The following ITFG2 variants were observed in gnomAD, a reference collection of about 807,000 sequenced individuals.
ITFG2 encodes integrin alpha FG-GAP repeat containing 2.
ITFG2 carries 36 observed loss-of-function variants against 54.4 expected under a neutral mutation model. The ratio of observed to expected loss-of-function variants is 0.66; its 90% confidence interval spans 0.51 to 0.87. The LOEUF (loss-of-function observed/expected upper bound fraction) is 0.87, where lower values mean the gene tolerates loss of function less well. Ranked by LOEUF, ITFG2 falls within the 40% of genes least tolerant of loss-of-function variation. The probability of loss-of-function intolerance (pLI) is 0.00; values close to 1 mark genes in which losing one functional copy is unlikely to be tolerated. For synonymous variants in ITFG2, 211 were observed against 225.4 expected (o/e 0.94, Z 0.57); for missense variants, 524 against 576.7 (o/e 0.91, Z 0.94).
chr12:2,828,449 C>T (rs375412286), downstream of ITFG2: 44 of 1,535,928 alleles, frequency 2.9e-5, no homozygotes, highest in African/African-American at 4.7e-4. Context: ...TCAGTGAGTC[C>T]CTAGGAGAAT....
chr12:2,848,833 G>A (rs2098060415), intron 2 of ITFG2, among the ~76,000 whole-genome samples: 1 of 151,116 alleles, frequency 6.6e-6, no homozygotes, highest in Admixed American at 6.6e-5. Context: ...TCTTATCCAT[G>A]TTTCTTACAG....
downstream of ITFG2, chr12:2,828,222 C>G: frequency 8.4e-7 from 1 of 1,195,686 alleles, no homozygotes; most frequent in South Asian, 1.3e-5. Flanking sequence ...TAAATAACAG[C>G]TTTATTGAGA....
At chr12:2,854,748 C>T (rs2098081862) in intron 2 of ITFG2, 1 of 835,438 alleles carries the variant, frequency 1.2e-6, no homozygotes, top group Non-Finnish European at 1.8e-6. Flanking sequence ...CCACCTCGTC[C>T]TTCCAGCTAC....
intron 2 of ITFG2, chr12:2,849,447 G>A (rs950732923): frequency 5.9e-6 from 9 of 1,536,184 alleles, no homozygotes; most frequent in East Asian, 4.9e-5. Context: ...AGCTCCTGGC[G>A]AAATTATTGG....
intron 2 of ITFG2, among the ~76,000 whole-genome samples, chr12:2,850,591 G>T (rs1301000889): frequency 6.6e-6 from 1 of 152,022 alleles, no homozygotes; most frequent in Non-Finnish European, 1.5e-5. Context: ...TATGTCTGAA[G>T]TCCTCTGGGT....
chr12:2,849,833 A>G (rs1040132243), intron 2 of ITFG2, among the ~76,000 whole-genome samples: 3 of 152,230 alleles, frequency 2.0e-5, no homozygotes, highest in Non-Finnish European at 4.4e-5. Context: ...CTGTCCTTCA[A>G]GTCTCACCTT....
At position 2,845,471 on chromosome 12, in the gene ITFG2, G is replaced by A. The variant is rs982444287; in HGVS notation, n.300+4476G>A. Among the ~76,000 whole-genome samples, 2 of 152,158 alleles carry A rather than the reference G, an allele frequency of 1.3e-5. No individual in the cohort carries two copies. The highest frequency in any genetic ancestry group is 1.9e-4 in the East Asian group (1 of 5,190). On this transcript the variant is annotated intron_variant and non_coding_transcript_variant, in intron 2 of 3. Transcript: ENST00000537710. The surrounding 1 kb of genome is among the most constrained non-coding windows in gnomAD (Gnocchi z 4.2). ...AGCTCCCAGCAGCTCAGGAACTTGC[G>A]TCAGCAGCTCAGGTCATGACACCAA... is the stretch of plus-strand genomic sequence containing the variant.
chr12:2,857,038 T>C, intron 2 of ITFG2: 1 of 702,928 alleles, frequency 1.4e-6, no homozygotes. Context: ...CTTCTGGGCC[T>C]CAGAGCCAGG....
intron 2 of ITFG2, among the ~76,000 whole-genome samples, chr12:2,851,771 C>T (rs1417976516): frequency 6.6e-6 from 1 of 150,802 alleles, no homozygotes; most frequent in South Asian, 2.1e-4. Flanking sequence ...TTCCACCTCC[C>T]GGGTTCAAGT....
intron 3 of ITFG2, chr12:2,859,078 G>T: frequency 6.2e-7 from 1 of 1,608,018 alleles, no homozygotes; most frequent in South Asian, 1.1e-5. Flanking sequence ...GGGGTTCTGG[G>T]GAGGACAGAT....
At chr12:2,858,878 G>T in intron 3 of ITFG2, 1 of 1,614,106 alleles carries the variant, frequency 6.2e-7, no homozygotes, top group Non-Finnish European at 8.5e-7. Flanking sequence ...GGACGGAGAT[G>T]AGGTCTAAGG....
intron 4 of ITFG2, among the ~76,000 whole-genome samples, chr12:2,818,825 C>T (rs2097931034): frequency 6.6e-6 from 1 of 152,150 alleles, no homozygotes; most frequent in Admixed American, 6.6e-5. Flanking sequence ...TGAGACCAGC[C>T]TGGCCCACAC....
chr12:2,832,542 A>C (rs901988357), upstream of ITFG2, among the ~76,000 whole-genome samples: 5 of 151,848 alleles, frequency 3.3e-5, no homozygotes, highest in African/African-American at 1.2e-4. Context: ...TGTACATCCT[A>C]TAATGCAGGA....
chr12:2,851,738 G>A (rs1371528015), intron 2 of ITFG2, among the ~76,000 whole-genome samples: 1 of 151,076 alleles, frequency 6.6e-6, no homozygotes, highest in Non-Finnish European at 1.5e-5. Flanking sequence ...GAATGCAGTG[G>A]CGTGATCTCA....
chr12:2,816,162 C>T (rs1351653359), intron 1 of ITFG2, among the ~76,000 whole-genome samples: 1 of 151,516 alleles, frequency 6.6e-6, no homozygotes, highest in Non-Finnish European at 1.5e-5. Flanking sequence ...TCCCGAGTAG[C>T]TGGGATTACA....
downstream of ITFG2, chr12:2,828,309 G>C: frequency 6.2e-7 from 1 of 1,606,150 alleles, no homozygotes. Context: ...TCCCCCACTT[G>C]CTTGTTTGGG....
intron 2 of ITFG2, chr12:2,855,097 G>C (rs965306727): frequency 6.5e-7 from 1 of 1,535,392 alleles, no homozygotes; most frequent in Admixed American, 2.0e-5. Flanking sequence ...CCAGGAGGGA[G>C]GGGGGATGGG....
rs1247281342 is a variant in ITFG2 at position 2,824,087 on chromosome 12, C to G, written c.1241-3C>G. 4.3e-6 allele frequency: 7 copies of G among 1,613,984 alleles called. No individual in the cohort carries two copies. The highest frequency in any genetic ancestry group is 5.9e-6 in the Non-Finnish European group (7 of 1,180,026). On this transcript the variant is annotated splice_polypyrimidine_tract_variant and splice_region_variant and intron_variant, in intron 11 of 11. Coordinates refer to ENST00000228799, the MANE Select transcript of ITFG2 (RefSeq NM_018463.4). Reference sequence around the variant, plus strand: ...CTCTTACCCACCCCTTCTTGGCTCTCAGATCCTGACGACCTCCCTGTGACT... The same window carrying G: ...CTCTTACCCACCCCTTCTTGGCTCTGAGATCCTGACGACCTCCCTGTGACT...
chr12:2,819,853 A>G (rs1285758594), intron 4 of ITFG2: 1 of 380,746 alleles, frequency 2.6e-6, no homozygotes, highest in Non-Finnish European at 4.7e-6. Context: ...TTTGAGTTGC[A>G]TGTTTGAGAA....
Sources: allele counts gnomAD v4.1 joint callset (sites outside exome capture counted in the v4.1 genomes callset), GRCh38; gene constraint gnomAD v4.1.1; non-coding constraint Gnocchi (gnomAD v3.1); transcripts MANE v1.5; gene names NCBI Gene and HGNC (gene_info 2026-07-23, HGNC 2026-07-21).